Variants in TRPC7 observed in about 807,000 individuals in gnomAD.
TRPC7 encodes short transient receptor potential channel 7.
TRPC7 carries 42 observed loss-of-function variants against 90.1 expected under a neutral mutation model. The ratio of observed to expected loss-of-function variants is 0.47; its 90% confidence interval spans 0.36 to 0.60. The LOEUF (loss-of-function observed/expected upper bound fraction) is 0.60, where lower values mean the gene tolerates loss of function less well. TRPC7 is among the 20% of genes least tolerant of loss of function. The pLI is 0.00. For synonymous variants in TRPC7, 451 were observed against 436.3 expected (o/e 1.03, Z -0.42); for missense variants, 955 against 1,112.3 (o/e 0.86, Z 2.01).
chr5:136,232,141 C>A (rs748876732), intron 7 of TRPC7, among the ~76,000 whole-genome samples: 5 of 152,190 alleles, frequency 3.3e-5, no homozygotes, highest in Non-Finnish European at 5.9e-5. Flanking sequence ...CTGTAATTAA[C>A]TTAAACATTT....
intron 4 of TRPC7, 54 bp downstream of exon 4, chr5:136,274,619 C>A: frequency 6.7e-7 from 1 of 1,496,754 alleles, no homozygotes. Flanking sequence ...TCAGATCATG[C>A]TAAGAAGAGA....
intron 7 of TRPC7, among the ~76,000 whole-genome samples, chr5:136,234,333 A>G (rs1159641516): frequency 1.3e-5 from 2 of 151,120 alleles, no homozygotes; most frequent in South Asian, 2.1e-4. Context: ...TCTGAGACAG[A>G]GTTTCACTCT....
intron 11 of TRPC7, among the ~76,000 whole-genome samples, chr5:136,215,646 C>A (rs1345048659): frequency 6.6e-6 from 1 of 151,902 alleles, no homozygotes; most frequent in Non-Finnish European, 1.5e-5. Flanking sequence ...CATGGTAAAA[C>A]CCCATCTCTA....
chr5:136,321,872 C>A (rs541438864), intron 2 of TRPC7, among the ~76,000 whole-genome samples: 8 of 152,236 alleles, frequency 5.3e-5, no homozygotes, highest in Middle Eastern at 3.4e-3. Context: ...ATGTTGCATG[C>A]ATCAATAGTC....
At chr5:136,277,390 A>C (rs1757399228) in intron 3 of TRPC7, among the ~76,000 whole-genome samples, 1 of 152,258 alleles carries the variant, frequency 6.6e-6, no homozygotes, top group Admixed American at 6.5e-5. Flanking sequence ...TTTATGATGT[A>C]ATAAGATATC....
At chr5:136,308,369 AG>A (rs1758714637) in intron 3 of TRPC7, among the ~76,000 whole-genome samples, 1 of 152,238 alleles carries the variant, frequency 6.6e-6, no homozygotes, top group African/African-American at 2.4e-5. Flanking sequence ...GCCAACTACC[AG>A]GCATCCTGCA....
chr5:136,344,987 T>C (rs1392861765), intron 2 of TRPC7, among the ~76,000 whole-genome samples: 2 of 152,216 alleles, frequency 1.3e-5, no homozygotes, highest in Non-Finnish European at 2.9e-5. Flanking sequence ...CTACAGGGTT[T>C]TGATGGTCTT....
chr5:136,296,993 A>G (rs1467001308), intron 3 of TRPC7, among the ~76,000 whole-genome samples: 1 of 152,054 alleles, frequency 6.6e-6, no homozygotes, highest in African/African-American at 2.4e-5. Context: ...CTTTCTTCCC[A>G]TAAATCCAAT....
At chr5:136,280,849 C>T (rs1183680551) in intron 3 of TRPC7, among the ~76,000 whole-genome samples, 1 of 152,078 alleles carries the variant, frequency 6.6e-6, no homozygotes, top group Non-Finnish European at 1.5e-5. Context: ...TATTATTTAA[C>T]CCTCACATCA....
chr5:136,226,052 C>A lies in TRPC7; in HGVS notation c.2244G>T (p.Met748Ile). The change falls in exon 9 of 12, where the codon ATG becomes ATT. Residue 748 changes from methionine to isoleucine, a missense_variant. Physicochemically the swap from Met to Ile is conservative, Grantham distance 10. Coordinates refer to ENST00000513104, the MANE Select transcript of TRPC7 (RefSeq NM_020389.3). Reference sequence around the variant, plus strand: ...TACCTACCTTGAATTTGGAATTCAGCATGCCCATTTCAAGGTCATTTTCAC... The same window carrying A: ...TACCTACCTTGAATTTGGAATTCAGAATGCCCATTTCAAGGTCATTTTCAC... Reference protein sequence around the residue: ...KSCENDLEMGMLNSKFKKTRY... With the variant: ...KSCENDLEMGILNSKFKKTRY... The A allele has an allele frequency of 1.3e-6, 2 of 1,598,354 alleles. No individual in the cohort carries two copies. Among genetic ancestry groups the A allele is most frequent in the Non-Finnish European group, 8.5e-7 (1 of 1,171,654 alleles).
At chr5:136,332,193 G>T (rs1419674407) in intron 2 of TRPC7, among the ~76,000 whole-genome samples, 2 of 151,986 alleles carry the variant, frequency 1.3e-5, no homozygotes, top group African/African-American at 4.8e-5. Context: ...CGTGCTAAGA[G>T]GAAGAAGAGT....
At chr5:136,230,876 T>C (rs989438334) in intron 8 of TRPC7, among the ~76,000 whole-genome samples, 21 of 152,166 alleles carry the variant, frequency 1.4e-4, no homozygotes, top group African/African-American at 4.1e-4. Flanking sequence ...CCCCAGGGCA[T>C]TGGAATTTGT....
At position 136,238,761 on chromosome 5, in the gene TRPC7, A is replaced by C. The variant is rs140576824; in HGVS notation, c.1845-7212T>G. ...TTTTCCTCAAAACTTGGTGGTTCTC[A>C]GACTGTTCCAGGGGCTCACAGGTCC... On this transcript the variant is annotated intron_variant, in intron 7 of 11. Transcript: ENST00000513104. 5.1e-3 allele frequency among the ~76,000 whole-genome samples: 777 copies of C among 152,266 alleles called. 10 individuals carry two copies. Among genetic ancestry groups the C allele is most frequent in the African/African-American group, 0.018 (742 of 41,538 alleles).
At chr5:136,330,199 G>C (rs1045862674) in intron 2 of TRPC7, among the ~76,000 whole-genome samples, 1 of 152,162 alleles carries the variant, frequency 6.6e-6, no homozygotes, top group Admixed American at 6.5e-5. Context: ...ATGATTGATT[G>C]GTCTGTGCAC....
chr5:136,270,873 G>A lies in TRPC7; in HGVS notation c.1128+3800C>T, dbSNP rs557273316. The stretch of plus-strand genomic sequence containing the variant: ...GCATTGGTGACATAAGAGCACCGAT[G>A]CTGTATTTCCTGACACAAATTTCCT... On this transcript the variant is annotated intron_variant, in intron 4 of 11. Coordinates refer to ENST00000513104, the MANE Select transcript of TRPC7 (RefSeq NM_020389.3). Among the ~76,000 whole-genome samples, 6 of 152,300 alleles carry A rather than the reference G, an allele frequency of 3.9e-5. No homozygotes were observed. In the South Asian group the frequency reaches 1.2e-3, roughly 32 times the overall value.
chr5:136,266,483 A>T lies in TRPC7; in HGVS notation c.1129-47T>A, dbSNP rs1374668941. Reference sequence around the variant, plus strand: ...GACATGTTAAACTGTCTCTAGGTGGATGTAGGTCTTTCTTTATAACATCGC... The same window carrying T: ...GACATGTTAAACTGTCTCTAGGTGGTTGTAGGTCTTTCTTTATAACATCGC... On this transcript the variant is annotated intron_variant, in intron 4 of 11. Transcript: ENST00000513104. 2.6e-6 allele frequency: 4 copies of T among 1,522,458 alleles called. No homozygotes were observed. The Admixed American group carries it at 7.4e-5, about 28-fold the overall frequency. 94.3% of individuals were successfully genotyped at this position (1,522,458 alleles called of 1,614,324 possible).
Position 136,216,284 on chromosome 5 carries a change from C to T in TRPC7, c.2344-9G>A, listed in dbSNP as rs748048579. 2.1e-5 allele frequency: 34 copies of T among 1,608,818 alleles called. No individual in the cohort carries two copies. The highest frequency in any genetic ancestry group is 3.3e-4 in the Middle Eastern group (2 of 6,072). ...AGCCGTTTCATGATTTTCTGAAATGCCAAGCAAGGAAGGGATCAGACAGGG... is the reference window on the plus strand; with the variant it reads ...AGCCGTTTCATGATTTTCTGAAATGTCAAGCAAGGAAGGGATCAGACAGGG... On this transcript the variant is annotated splice_polypyrimidine_tract_variant and intron_variant, in intron 10 of 11. Coordinates refer to ENST00000513104, the MANE Select transcript of TRPC7 (RefSeq NM_020389.3).
chr5:136,301,794 C>T (rs910959952), intron 3 of TRPC7, among the ~76,000 whole-genome samples: 7 of 152,230 alleles, frequency 4.6e-5, no homozygotes, highest in Non-Finnish European at 8.8e-5. Flanking sequence ...GTTGTTCACA[C>T]AAAGCCTGTT....
chr5:136,326,599 G>A (rs566431994), intron 2 of TRPC7, among the ~76,000 whole-genome samples: 3 of 152,268 alleles, frequency 2.0e-5, no homozygotes, highest in South Asian at 2.1e-4. Context: ...TAGAAAAACC[G>A]GATATGATTG....
Sources: gnomAD v4.1 joint callset for allele counts (sites outside exome capture counted in the v4.1 genomes callset) on GRCh38, gnomAD v4.1.1 for gene constraint, MANE v1.5 for transcripts, NCBI Gene and HGNC (gene_info 2026-07-23, HGNC 2026-07-21) for gene names.